MAML3: variants seen among roughly 807,000 people sequenced by gnomAD.
MAML3 encodes mastermind like transcriptional coactivator 3.
Under a neutral mutation model 101.9 loss-of-function variants are expected in MAML3, and 27 were observed. The observed-to-expected ratio is 0.27, with a 90% CI of 0.20 to 0.37. The LOEUF (loss-of-function observed/expected upper bound fraction) is 0.37. Ranked by LOEUF, MAML3 falls within the 10% of genes least tolerant of loss-of-function variation. The pLI, the probability that MAML3 is intolerant of heterozygous loss-of-function variation, is 1.00. For missense variants in MAML3, 1,316 were observed against 1,444.9 expected, an observed-to-expected ratio of 0.91 and a Z score of 1.45; for synonymous variants, 501 against 555.9, an observed-to-expected ratio of 0.90 and a Z score of 1.39.
chr4:139,825,695 A>G (rs1020232390), intron 2 of MAML3, among the ~76,000 whole-genome samples: 1 of 152,150 alleles, frequency 6.6e-6, no homozygotes, highest in African/African-American at 2.4e-5. Context: ...CGCGAGGTAC[A>G]AAACACATCA....
chr4:139,903,018 A>G (rs1295539570), intron 1 of MAML3, among the ~76,000 whole-genome samples: 1 of 152,116 alleles, frequency 6.6e-6, no homozygotes, highest in African/African-American at 2.4e-5. Context: ...CAGGAAGAAA[A>G]CCTTCCGATC....
chr4:139,930,957 T>C (rs1002778445), intron 1 of MAML3, among the ~76,000 whole-genome samples: 2 of 152,062 alleles, frequency 1.3e-5, no homozygotes, highest in Non-Finnish European at 2.9e-5. Context: ...AAGACTGCTA[T>C]AGGTACATTT....
At chr4:139,734,022 A>G (rs2111000875) in intron 2 of MAML3, among the ~76,000 whole-genome samples, 1 of 152,342 alleles carries the variant, frequency 6.6e-6, no homozygotes, top group South Asian at 2.1e-4. Context: ...ACTGCCTTCC[A>G]TACGAAACAT....
At chr4:139,787,628 T>C (rs1730330079) in intron 2 of MAML3, among the ~76,000 whole-genome samples, 1 of 152,218 alleles carries the variant, frequency 6.6e-6, no homozygotes, top group Non-Finnish European at 1.5e-5. Context: ...TTCTGTATTA[T>C]TTTTTATTTT....
intron 1 of MAML3, among the ~76,000 whole-genome samples, chr4:140,089,260 T>C (rs932861696): frequency 4.6e-5 from 7 of 152,214 alleles, no homozygotes; most frequent in African/African-American, 1.7e-4. Context: ...TCCAAAATTG[T>C]TATTATAAGT....
intron 2 of MAML3, among the ~76,000 whole-genome samples, chr4:139,847,465 T>G (rs1731470657): frequency 6.6e-6 from 1 of 152,192 alleles, no homozygotes; most frequent in African/African-American, 2.4e-5. Flanking sequence ...CTCAAACACT[T>G]GGGACCGCTC....
chr4:139,863,831 GGTTTTTTTTT>G (rs1731834613), intron 2 of MAML3, among the ~76,000 whole-genome samples: 1 of 50,760 alleles, frequency 2.0e-5, no homozygotes. Context: ...CCAGAACATG[GGTTTTTTTTT>G]TTTTTTTTTT....
intron 2 of MAML3, among the ~76,000 whole-genome samples, chr4:139,876,822 G>A (rs1411378349): frequency 3.9e-5 from 6 of 152,192 alleles, no homozygotes; most frequent in Admixed American, 6.5e-5. Flanking sequence ...GCTCAGAGGC[G>A]TTGCCTGAAG....
intron 1 of MAML3, among the ~76,000 whole-genome samples, chr4:140,069,416 GGAGGGGAAGGAGGA>G (rs879617681): frequency 0.048 from 2,861 of 59,264 alleles, 279 homozygotes; most frequent in African/African-American, 0.13. Context: ...AGGAGGAGGA[GGAGGGGAAGGAGGA>G]GAAGGAGGAG....
At chr4:140,034,398 A>C (rs187489826) in intron 1 of MAML3, among the ~76,000 whole-genome samples, 1 of 152,366 alleles carries the variant, frequency 6.6e-6, no homozygotes, top group African/African-American at 2.4e-5. Flanking sequence ...CAATGTTCAC[A>C]CATACCTTGA....
intron 2 of MAML3, among the ~76,000 whole-genome samples, chr4:139,859,682 C>A (rs1168166039): frequency 6.6e-6 from 1 of 152,118 alleles, no homozygotes; most frequent in African/African-American, 2.4e-5. Flanking sequence ...TTAATAGGCA[C>A]AACAATTTTA....
At chr4:139,741,301 T>C (rs1729158108) in intron 2 of MAML3, among the ~76,000 whole-genome samples, 1 of 152,178 alleles carries the variant, frequency 6.6e-6, no homozygotes, top group Non-Finnish European at 1.5e-5. Flanking sequence ...TGAGGGCCTA[T>C]GGGGGATCAG....
At chr4:139,722,614 C>T (rs1728281148) in intron 4 of MAML3, among the ~76,000 whole-genome samples, 1 of 152,106 alleles carries the variant, frequency 6.6e-6, no homozygotes, top group African/African-American at 2.4e-5. Context: ...AGTCTATGTT[C>T]TATTTTCACT....
At chr4:140,082,979 T>C (rs1668934344) in intron 1 of MAML3, among the ~76,000 whole-genome samples, 1 of 152,214 alleles carries the variant, frequency 6.6e-6, no homozygotes, top group South Asian at 2.1e-4. Flanking sequence ...CAGGGTGTGC[T>C]ATTACTACTT....
At chr4:140,001,385 TA>T (rs1330795509) in intron 1 of MAML3, among the ~76,000 whole-genome samples, 1 of 152,204 alleles carries the variant, frequency 6.6e-6, no homozygotes, top group Non-Finnish European at 1.5e-5. Flanking sequence ...GCAGGTATTA[TA>T]ATTCCAGTAA....
At position 140,051,331 on chromosome 4, in the gene MAML3, G is replaced by GTT. The variant is rs1727263796; in HGVS notation, c.468+101528_468+101529insAA. Among the ~76,000 whole-genome samples the GTT allele has an allele frequency of 6.6e-5, 10 of 152,104 alleles. No homozygotes were observed. The South Asian group carries it at 2.1e-3, about 32-fold the overall frequency. ...GCACTTTGGGAGGCTGAGGCAGGTG[G>GTT]ATCACCTGAGGTTAGGAGTTCGAGA... On this transcript the variant is annotated intron_variant, in intron 1 of 4. Coordinates refer to ENST00000509479, the MANE Select transcript of MAML3 (RefSeq NM_018717.5).
At chr4:140,145,077 ATAGACT>A (rs924672781) in intron 1 of MAML3, among the ~76,000 whole-genome samples, 28 of 152,352 alleles carry the variant, frequency 1.8e-4, no homozygotes, top group East Asian at 9.6e-4. Context: ...ATCTACACAA[ATAGACT>A]TAGAGCACTT....
chr4:139,724,091 C>T (rs1728369045), intron 4 of MAML3, among the ~76,000 whole-genome samples: 1 of 152,234 alleles, frequency 6.6e-6, no homozygotes, highest in South Asian at 2.1e-4. Flanking sequence ...AAACCACTGG[C>T]ACTGATTTAG....
intron 1 of MAML3, among the ~76,000 whole-genome samples, chr4:140,111,110 A>G (rs551946155): frequency 6.6e-6 from 1 of 152,330 alleles, no homozygotes; most frequent in South Asian, 2.1e-4. Context: ...GACACTACCT[A>G]TGCTATGTAT....
Sources: allele counts gnomAD v4.1 joint callset (sites outside exome capture counted in the v4.1 genomes callset), GRCh38; gene constraint gnomAD v4.1.1; transcripts MANE v1.5; gene names NCBI Gene and HGNC (gene_info 2026-07-23, HGNC 2026-07-21).